RALGPS1: variants seen among roughly 807,000 people sequenced by gnomAD.
RALGPS1 encodes ras-specific guanine nucleotide-releasing factor RalGPS1.
In RALGPS1, 19 loss-of-function variants were observed where a neutral mutation model predicts 78.8. The ratio of observed to expected loss-of-function variants is 0.24; its 90% CI spans 0.17 to 0.35. The LOEUF (loss-of-function observed/expected upper bound fraction) is 0.35, where lower values mean the gene tolerates loss of function less well. Among genes scored for constraint, RALGPS1 ranks in the 10% least tolerant of loss-of-function variants. RALGPS1 has a pLI of 1.00. For missense variants in RALGPS1, 454 were observed against 688.3 expected, an observed-to-expected ratio of 0.66 and a Z score of 3.81; for synonymous variants, 228 against 256.3, an observed-to-expected ratio of 0.89 and a Z score of 1.06.
intron 7 of RALGPS1, among the ~76,000 whole-genome samples, chr9:127,055,058 G>A (rs1280868606): frequency 6.6e-6 from 1 of 151,208 alleles, no homozygotes; most frequent in Non-Finnish European, 1.5e-5. Context: ...TCCTTGGGGA[G>A]CCTGGAATGG....
chr9:126,997,871 C>G (rs1476960033), intron 4 of RALGPS1, among the ~76,000 whole-genome samples: 4 of 152,082 alleles, frequency 2.6e-5, no homozygotes, highest in Non-Finnish European at 5.9e-5. Context: ...TGCTTCGTAT[C>G]TACAACTATC....
At chr9:127,074,667 T>G (rs1352254780) in intron 8 of RALGPS1, among the ~76,000 whole-genome samples, 3 of 152,234 alleles carry the variant, frequency 2.0e-5, no homozygotes, top group Admixed American at 2.0e-4. Context: ...GCCTAGCACT[T>G]TGCTAGGCAT....
intron 11 of RALGPS1, among the ~76,000 whole-genome samples, chr9:127,191,986 G>C (rs34383746): frequency 0.036 from 5,432 of 152,264 alleles, 138 homozygotes; most frequent in Middle Eastern, 0.082. Flanking sequence ...CGTGAGCCAC[G>C]GCGCCCGGCC....
intron 5 of RALGPS1, among the ~76,000 whole-genome samples, chr9:127,040,837 C>T (rs1448815213): frequency 6.6e-6 from 1 of 152,168 alleles, no homozygotes; most frequent in South Asian, 2.1e-4. Flanking sequence ...ACTTTTTTCA[C>T]TTAGCGATAT....
At chr9:126,982,085 T>C (rs375005795) in intron 4 of RALGPS1, among the ~76,000 whole-genome samples, 7 of 152,268 alleles carry the variant, frequency 4.6e-5, no homozygotes, top group African/African-American at 1.7e-4. Flanking sequence ...CTAGAATGAG[T>C]GACCCAAGAG....
At chr9:126,968,911 G>A (rs1471816735) in intron 3 of RALGPS1, among the ~76,000 whole-genome samples, 1 of 152,180 alleles carries the variant, frequency 6.6e-6, no homozygotes, top group Non-Finnish European at 1.5e-5. Flanking sequence ...AACTGGACGT[G>A]GTGGTGCATG....
intron 4 of RALGPS1, among the ~76,000 whole-genome samples, chr9:127,032,294 G>A (rs2046495738): frequency 6.6e-6 from 1 of 152,166 alleles, no homozygotes; most frequent in African/African-American, 2.4e-5. Context: ...CTCCCTTTCT[G>A]GGTATTGTCT....
intron 8 of RALGPS1, among the ~76,000 whole-genome samples, chr9:127,114,319 A>C (rs2055175124): frequency 6.6e-6 from 1 of 152,224 alleles, no homozygotes; most frequent in African/African-American, 2.4e-5. Context: ...TGAGGAAACT[A>C]TTGAGATTTG....
At chr9:127,152,071 G>A (rs2058452688) in intron 8 of RALGPS1, among the ~76,000 whole-genome samples, 1 of 151,966 alleles carries the variant, frequency 6.6e-6, no homozygotes, top group South Asian at 2.1e-4. Context: ...CATATCTCAT[G>A]CATCTCTCTT....
At chr9:126,945,118 T>C (rs572752629) in intron 1 of RALGPS1, among the ~76,000 whole-genome samples, 1 of 152,302 alleles carries the variant, frequency 6.6e-6, no homozygotes, top group East Asian at 1.9e-4. Context: ...TGGGCCACTG[T>C]ACTCCTTCCT....
intron 7 of RALGPS1, among the ~76,000 whole-genome samples, chr9:127,066,890 A>G (rs1017909289): frequency 2.0e-5 from 3 of 152,060 alleles, no homozygotes; most frequent in East Asian, 3.9e-4. Flanking sequence ...AAGACTCACT[A>G]CAGACTCACT....
At chr9:127,209,571 A>G (rs752278551) in intron 14 of RALGPS1, among the ~76,000 whole-genome samples, 2 of 152,142 alleles carry the variant, frequency 1.3e-5, no homozygotes, top group African/African-American at 2.4e-5. Flanking sequence ...GTCCAAGCAC[A>G]TGCTATGGTA....
intron 4 of RALGPS1, among the ~76,000 whole-genome samples, chr9:127,007,410 G>C (rs2043939409): frequency 6.6e-6 from 1 of 152,150 alleles, no homozygotes; most frequent in Admixed American, 6.5e-5. Flanking sequence ...CCTGCACATT[G>C]CTTGTAGCCT....
chr9:127,056,265 G>T (rs2048738364), intron 7 of RALGPS1, among the ~76,000 whole-genome samples: 1 of 152,120 alleles, frequency 6.6e-6, no homozygotes, highest in Admixed American at 6.5e-5. Flanking sequence ...GCTGAGCCAG[G>T]GCTCTTTCCC....
chr9:127,145,446 A>T (rs1186253860), intron 8 of RALGPS1, among the ~76,000 whole-genome samples: 4 of 152,192 alleles, frequency 2.6e-5, no homozygotes, highest in African/African-American at 4.8e-5. Flanking sequence ...CCTACTGGTG[A>T]TATCTGCTAC....
At chr9:127,009,110 A>G (rs570340304) in intron 4 of RALGPS1, among the ~76,000 whole-genome samples, 3 of 152,352 alleles carry the variant, frequency 2.0e-5, no homozygotes, top group African/African-American at 7.2e-5. Context: ...TTCTCAAAGA[A>G]TCTGTCTTAT....
intron 4 of RALGPS1, among the ~76,000 whole-genome samples, chr9:127,002,448 CTT>C (rs376846876): frequency 2.4e-5 from 3 of 127,644 alleles, no homozygotes; most frequent in African/African-American, 1.0e-4. Context: ...TTTTTTTTTT[CTT>C]TTTTTTTTAT....
At chr9:127,032,654 G>A (rs2046527084) in intron 4 of RALGPS1, among the ~76,000 whole-genome samples, 1 of 152,122 alleles carries the variant, frequency 6.6e-6, no homozygotes, top group Non-Finnish European at 1.5e-5. Context: ...TTAAAGAGAG[G>A]GAGATAGTAC....
At chr9:127,156,467 G>A (rs1253070189) in intron 8 of RALGPS1, among the ~76,000 whole-genome samples, 3 of 152,044 alleles carry the variant, frequency 2.0e-5, no homozygotes, top group Non-Finnish European at 4.4e-5. Context: ...TAAGAACTTT[G>A]TCAGTATAAA....
Sources: gnomAD v4.1 joint callset for allele counts (sites outside exome capture counted in the v4.1 genomes callset) on GRCh38, gnomAD v4.1.1 for gene constraint, MANE v1.5 for transcripts, NCBI Gene and HGNC (gene_info 2026-07-23, HGNC 2026-07-21) for gene names.